The following KMT2A variants were observed in gnomAD, a reference collection of about 807,000 sequenced individuals.
KMT2A encodes the protein lysine methyltransferase 2A, also known as histone-lysine N-methyltransferase 2A.
KMT2A carries 16 observed loss-of-function variants against 345.3 expected under a neutral mutation model. The ratio of observed to expected loss-of-function variants is 0.05; its 90% CI spans 0.03 to 0.07. The LOEUF (loss-of-function observed/expected upper bound fraction) is 0.07. KMT2A is among the 10% of genes least tolerant of loss of function. The pLI is 1.00. For synonymous variants in KMT2A, 1,599 were observed against 1,778.6 expected (o/e 0.90, Z 2.54); for missense variants, 3,272 against 4,841.6 (o/e 0.68, Z 9.62).
At chr11:118,516,711 GA>G (rs1449657988) in intron 31 of KMT2A, among the ~76,000 whole-genome samples, 1 of 152,010 alleles carries the variant, frequency 6.6e-6, no homozygotes, top group Non-Finnish European at 1.5e-5. Context: ...AATATTTATT[GA>G]ATGAATAAAT....
chr11:118,509,303 A>AG lies in KMT2A; in HGVS notation c.10900+103_10900+104insG. 31 of 951,128 alleles carry AG rather than the reference A, an allele frequency of 3.3e-5. No homozygotes were observed. The African/African-American group carries it at 3.7e-4, about 11-fold the overall frequency. 58.9% of individuals were successfully genotyped at this position (951,128 alleles called of 1,614,324 possible). ...TTATTTTCTACATTTAAAAAAAAAA[A>AG]TCTAAGCTCCAAAGAAGTTAAGTGA... On this transcript the variant is annotated intron_variant, in intron 29 of 35. Transcript: ENST00000534358.
chr11:118,491,219 A>G lies in KMT2A; in HGVS notation c.4720A>G (p.Lys1574Glu). The change falls in exon 14 of 36, where the codon AAA becomes GAA. Residue 1574 changes from lysine (K) to glutamate (E), a missense_variant. Lys to Glu is a moderately conservative substitution (Grantham distance 56). Coordinates refer to ENST00000534358, the MANE Select transcript of KMT2A (RefSeq NM_001197104.2). This position sits in a 1 kb window ranked among gnomAD's most constrained non-coding sequence, Gnocchi z 4.2. ...AGGAAACTTCTGCCCTCTCTGTGAC[A>G]AATGTTATGATGATGATGACTATGA... ...AKGNFCPLCDKCYDDDDYESK... is the reference protein window; with the variant it reads ...AKGNFCPLCDECYDDDDYESK... 6.2e-7 allele frequency: 1 copy of G among 1,613,632 alleles called. No homozygotes were observed. Among genetic ancestry groups the G allele is most frequent in the Non-Finnish European group, 8.5e-7 (1 of 1,179,812 alleles).
At chr11:118,482,323 T>G in intron 7 of KMT2A, 99 bp from the exon 8 acceptor site, 1 of 474,860 alleles carries the variant, frequency 2.1e-6, no homozygotes, top group Non-Finnish European at 3.2e-6. Context: ...GTTTAAATAG[T>G]TTTTTTTTTT....
At position 118,521,831 on chromosome 11, in the gene KMT2A, G is replaced by T; in HGVS notation, c.11644-66G>T. On this transcript the variant is annotated intron_variant, in intron 35 of 35. Coordinates refer to ENST00000534358, the MANE Select transcript of KMT2A (RefSeq NM_001197104.2). This position sits in a 1 kb window ranked among gnomAD's most constrained non-coding sequence, Gnocchi z 5.3. Reference sequence around the variant, plus strand: ...TATAGGTAACATCAAGAGAAGATTGGGACATGTTCTTAAAGCTGAGTTTAT... The same window carrying T: ...TATAGGTAACATCAAGAGAAGATTGTGACATGTTCTTAAAGCTGAGTTTAT... 1.3e-6 allele frequency: 2 copies of T among 1,525,316 alleles called. No homozygotes were observed. The highest frequency in any genetic ancestry group is 9.0e-7 in the Non-Finnish European group (1 of 1,110,470). The allele number at this position is 1,525,316 out of a possible 1,614,324, so 94.5% of individuals were successfully genotyped here.
At position 118,507,747 on chromosome 11, in the gene KMT2A, G is replaced by A. The variant is rs1302704998; in HGVS notation, c.10835+138G>A. 15 of 657,468 alleles carry A rather than the reference G, an allele frequency of 2.3e-5. No homozygotes were observed. The African/African-American group carries it at 2.5e-4, about 11-fold the overall frequency. The allele number at this position is 657,468 out of a possible 1,614,324, so 40.7% of individuals were successfully genotyped here. A position where few individuals can be genotyped will look rare whatever the true frequency, so the allele number is the denominator to read the frequency against. The stretch of plus-strand genomic sequence containing the variant: ...TGGGAGGCCGAGGCAGGTGGATCAC[G>A]AGGTTAGATCGAGACCATCCTGGCT... On this transcript the variant is annotated intron_variant, in intron 28 of 35. Transcript: ENST00000534358.
chr11:118,501,892 G>C (rs781961947), intron 26 of KMT2A, 35 bp downstream of exon 26: 3 of 1,533,348 alleles, frequency 2.0e-6, no homozygotes. Context: ...GACCTAAGAA[G>C]ATCAGCCCAA....
At chr11:118,482,165 A>G in intron 7 of KMT2A, 73 bp downstream of exon 7, 1 of 1,465,888 alleles carries the variant, frequency 6.8e-7, no homozygotes, top group Non-Finnish European at 9.1e-7. Flanking sequence ...CTCAAACAGC[A>G]TTTGAAAGCA....
chr11:118,501,207 C>T (rs1433309197), intron 25 of KMT2A, 60 bp downstream of exon 25: 2 of 1,523,182 alleles, frequency 1.3e-6, no homozygotes, highest in Middle Eastern at 2.2e-4. Context: ...CCTGTAATCG[C>T]AGCACTTTGG....
intron 3 of KMT2A, among the ~76,000 whole-genome samples, chr11:118,475,779 A>T (rs1238547203): frequency 1.3e-5 from 2 of 152,246 alleles, no homozygotes; most frequent in Non-Finnish European, 2.9e-5. Flanking sequence ...AGTTACATTT[A>T]CTAATTCTGC....
chr11:118,462,100 C>T (rs1405203426), intron 1 of KMT2A, among the ~76,000 whole-genome samples: 30 of 152,090 alleles, frequency 2.0e-4, no homozygotes, highest in Non-Finnish European at 7.4e-5. Context: ...ACTACAGGCG[C>T]GTGCCACCAT....
chr11:118,509,143 G>A lies in KMT2A; in HGVS notation c.10843G>A (p.Ala3615Thr), dbSNP rs1950639975. The A allele has an allele frequency of 2.5e-6, 4 of 1,613,414 alleles. No individual in the cohort carries two copies. The highest frequency in any genetic ancestry group is 2.5e-6 in the Non-Finnish European group (3 of 1,179,624). ...CATTTGGTTTTTATTTAGGCAAGTC[G>A]CTGTTCTTCCGGAAGTTCAGGTGAC... ...KECGQPAGQV[A>T]VLPEVQVTQN... is the part of the protein sequence containing the mutation. Residue 3615 changes from alanine (A) to threonine (T), a missense_variant, in exon 29 of 36, where the codon GCT becomes ACT. By Grantham distance (58) the Ala-to-Thr change is moderately conservative. Around this residue, in one of 27 missense-constraint regions of KMT2A, gnomAD observed 748 missense variants for 922.2 expected, o/e 0.81. Coordinates refer to ENST00000534358, the MANE Select transcript of KMT2A (RefSeq NM_001197104.2).
In KMT2A at chr11:118,502,249, T is replaced by C; in HGVS notation, c.6506-149T>C. 1 of 529,454 alleles carries C rather than the reference T, an allele frequency of 1.9e-6. No homozygotes were observed. Among genetic ancestry groups the C allele is most frequent in the Non-Finnish European group, 3.0e-6 (1 of 329,676 alleles). 32.8% of individuals were successfully genotyped at this position (529,454 alleles called of 1,614,324 possible). A position where few individuals can be genotyped will look rare whatever the true frequency, so the allele number is the denominator to read the frequency against. ...GCTTGGGTGACAGAGTGAGACACTG[T>C]CTCAAAAAAGTAATAATAAATAAAT... On this transcript the variant is annotated intron_variant, in intron 26 of 35. Coordinates refer to ENST00000534358, the MANE Select transcript of KMT2A (RefSeq NM_001197104.2). The surrounding 1 kb of genome is among the most constrained non-coding windows in gnomAD (Gnocchi z 4.9).
chr11:118,506,544 A>G lies in KMT2A; in HGVS notation c.10652A>G (p.Asp3551Gly), dbSNP rs141407877. 1.9e-6 allele frequency: 3 copies of G among 1,614,218 alleles called. No individual in the cohort carries two copies. In the South Asian group the frequency reaches 3.3e-5, roughly 18 times the overall value. The change falls in exon 27 of 36, where the codon GAC becomes GGC. Residue 3551 changes from aspartate (D) to glycine (G), a missense_variant. Physicochemically the swap from Asp to Gly is moderately conservative, Grantham distance 94 (BLOSUM62 -1). Coordinates refer to ENST00000534358, the MANE Select transcript of KMT2A (RefSeq NM_001197104.2). ...PKTKRFQLPL[D>G]KGNGKKHKVS... ...ACCAAACGGTTTCAGCTGCCTCTAG[A>G]CAAAGGGAATGGCAAGAAGCACAAA...
Position 118,521,812 on chromosome 11 carries a change from T to TG in KMT2A, c.11644-85_11644-84insG. 7.1e-7 allele frequency: 1 copy of TG among 1,408,996 alleles called. No individual in the cohort carries two copies. Among genetic ancestry groups the TG allele is most frequent in the Non-Finnish European group, 9.8e-7 (1 of 1,019,696 alleles). The allele number at this position is 1,408,996 out of a possible 1,614,324, so 87.3% of individuals were successfully genotyped here. On this transcript the variant is annotated intron_variant, in intron 35 of 35. Transcript: ENST00000534358. This position sits in a 1 kb window ranked among gnomAD's most constrained non-coding sequence, Gnocchi z 5.3. ...AAGAAACTTTCTCAGCCGCTATAGG[T>TG]AACATCAAGAGAAGATTGGGACATG...
chr11:118,483,089 C>T (rs1005723542), intron 8 of KMT2A, among the ~76,000 whole-genome samples: 10 of 151,648 alleles, frequency 6.6e-5, no homozygotes, highest in Non-Finnish European at 1.5e-4. Context: ...AAAAATTAGC[C>T]GGTTGTGGTA....
chr11:118,501,197 C>A, intron 25 of KMT2A, 50 bp downstream of exon 25: 1 of 1,556,422 alleles, frequency 6.4e-7, no homozygotes, highest in South Asian at 1.1e-5. Context: ...GTGGCTCACG[C>A]CTGTAATCGC....
At chr11:118,519,088 A>T (rs1449186818) in intron 31 of KMT2A, among the ~76,000 whole-genome samples, 4 of 149,296 alleles carry the variant, frequency 2.7e-5, no homozygotes, top group South Asian at 4.2e-4. Flanking sequence ...AAAAAAAAAA[A>T]AAAAAAAAAA....
intron 1 of KMT2A, among the ~76,000 whole-genome samples, chr11:118,460,703 G>A (rs1444896496): frequency 4.6e-5 from 7 of 152,124 alleles, no homozygotes; most frequent in Non-Finnish European, 1.0e-4. Context: ...TGTTGCTCAG[G>A]CTGGAGTGCA....
In KMT2A at chr11:118,526,557, T is replaced by A; in HGVS notation, c.*4385T>A. 1 of 230,910 alleles carries A rather than the reference T, an allele frequency of 4.3e-6. No homozygotes were observed. The highest frequency in any genetic ancestry group is 8.6e-6 in the Non-Finnish European group (1 of 116,822). 14.3% of individuals were successfully genotyped at this position (230,910 alleles called of 1,614,324 possible). A position where few individuals can be genotyped will look rare whatever the true frequency, so the allele number is the denominator to read the frequency against. The stretch of plus-strand genomic sequence containing the variant: ...ACAGATCTGTTTTTTTTCCTTGTGT[T>A]CTTCCAAGCTTCTGGTTAGAGAAAA... On this transcript the variant is annotated 3_prime_UTR_variant, in exon 36 of 36. Transcript: ENST00000534358.
Sources: gnomAD v4.1 joint callset for allele counts (sites outside exome capture counted in the v4.1 genomes callset) on GRCh38, gnomAD v4.1.1 for gene constraint, gnomAD v4.1.1 regional missense constraint, Gnocchi (gnomAD v3.1) non-coding constraint, MANE v1.5 for transcripts, NCBI Gene and HGNC (gene_info 2026-07-23, HGNC 2026-07-21) for gene names.